Variants in WDR77 observed in about 807,000 individuals in gnomAD.
WDR77 encodes methylosome protein WDR77.
Under a neutral mutation model 44.0 loss-of-function variants are expected in WDR77, and 31 were observed. The ratio of observed to expected loss-of-function variants is 0.70; its 90% CI spans 0.53 to 0.95. WDR77 has a LOEUF of 0.95. Among genes scored for constraint, WDR77 ranks in the 40% least tolerant of loss-of-function variants. The pLI is 0.00. For synonymous variants in WDR77, 186 were observed against 165.7 expected, an observed-to-expected ratio of 1.12 and a Z score of -0.94; for missense variants, 390 against 423.9, an observed-to-expected ratio of 0.92 and a Z score of 0.70.
intron 2 of WDR77, 46 bp downstream of exon 2, chr1:111,448,563 TCTCCATTCTA>T: frequency 3.1e-6 from 5 of 1,604,700 alleles, no homozygotes; most frequent in Middle Eastern, 1.7e-4. Flanking sequence ...GTACCCCAAG[TCTCCATTCTA>T]CCGTTCCACC....
At position 111,449,173 on chromosome 1, in the gene WDR77, C is replaced by A; in HGVS notation, c.-4G>T. The A allele has an allele frequency of 6.4e-7, 1 of 1,572,834 alleles. No individual in the cohort carries two copies. Among genetic ancestry groups the A allele is most frequent in the Non-Finnish European group, 8.6e-7 (1 of 1,165,844 alleles). ...GGGGTGGGGTTTCCTTCCGCATCTC[C>A]ACGGTTCCAACTCCAACCTAGACTC... On this transcript the variant is annotated 5_prime_UTR_variant, in exon 1 of 10. Coordinates refer to ENST00000235090, the MANE Select transcript of WDR77 (RefSeq NM_024102.4).
At chr1:111,446,782 T>C (rs12405731) in intron 4 of WDR77, 4,242 of 257,092 alleles carry the variant, frequency 0.016, 81 homozygotes, top group East Asian at 0.063. Flanking sequence ...AGGCCATCAA[T>C]AGAAACAGGG....
chr1:111,443,466 T>C (rs1465317571), intron 6 of WDR77, 72 bp from the exon 7 acceptor site: 1 of 1,444,968 alleles, frequency 6.9e-7, no homozygotes, highest in African/African-American at 1.4e-5. Flanking sequence ...ATGATATCAC[T>C]CTAAATCCTG....
intron 2 of WDR77, among the ~76,000 whole-genome samples, chr1:111,448,375 A>G (rs4838911): frequency 0.016 from 2,498 of 152,208 alleles, 48 homozygotes; most frequent in East Asian, 0.064. Context: ...ACAGAAGAAA[A>G]ATGGTTCCAA....
rs765327670 is a variant in WDR77, at chr1:111,447,479, G to T, written c.399C>A (p.Val133=). 2.5e-6 allele frequency: 4 copies of T among 1,614,090 alleles called. No individual in the cohort carries two copies. In the African/African-American group the frequency reaches 4.0e-5, roughly 16 times the overall value. The change falls in exon 3 of 10, where the codon GTC becomes GTA. Residue 133 remains valine, a synonymous_variant. Transcript: ENST00000235090. ...EHDDIVSTVS[V]LSSGTQAVSG... ...TGACAGCTTGTGTGCCAGAGCTCAA[G>T]ACACTGACTGTAGACACAATGTCAT... is the stretch of plus-strand genomic sequence containing the variant.
intron 6 of WDR77, 40 bp downstream of exon 6, chr1:111,443,825 GGT>G: frequency 6.2e-7 from 1 of 1,613,426 alleles, no homozygotes; most frequent in Non-Finnish European, 8.5e-7. Context: ...CTTCTATCAG[GGT>G]TCCAAGTACT....
chr1:111,444,484 A>C (rs1271950894), intron 4 of WDR77, among the ~76,000 whole-genome samples: 1 of 152,030 alleles, frequency 6.6e-6, no homozygotes, highest in African/African-American at 2.4e-5. Flanking sequence ...AGTATACAAA[A>C]ACTTTTGAGG....
intron 4 of WDR77, among the ~76,000 whole-genome samples, chr1:111,445,715 G>A (rs191969810): frequency 1.9e-3 from 294 of 152,150 alleles, no homozygotes; most frequent in Non-Finnish European, 3.4e-3. Flanking sequence ...CATTAACCAG[G>A]AAAGCACATC....
chr1:111,442,198 G>T, intron 8 of WDR77, 105 bp from the exon 9 acceptor site: 1 of 1,073,554 alleles, frequency 9.3e-7, no homozygotes, highest in Non-Finnish European at 1.4e-6. Flanking sequence ...AGGAGAGGCA[G>T]CCTGATTCCC....
At chr1:111,443,697 T>C (rs1476889794) in intron 6 of WDR77, 170 bp downstream of exon 6, 1 of 985,314 alleles carries the variant, frequency 1.0e-6, no homozygotes, top group East Asian at 1.1e-4. Context: ...TTGGTATTCA[T>C]TGCACAGAAT....
chr1:111,447,404 A>G, intron 3 of WDR77, 31 bp downstream of exon 3: 1 of 1,613,302 alleles, frequency 6.2e-7, no homozygotes, highest in South Asian at 1.1e-5. Flanking sequence ...CAGGAGGCTT[A>G]GAGACAGGAG....
At position 111,447,485 on chromosome 1, in the gene WDR77, G is replaced by A. The variant is rs764284328; in HGVS notation, c.393C>T (p.Val131=). 6.2e-7 allele frequency: 1 copy of A among 1,614,188 alleles called. No homozygotes were observed. Among genetic ancestry groups the A allele is most frequent in the Non-Finnish European group, 8.5e-7 (1 of 1,180,028 alleles). Residue 131 remains valine (V), a synonymous_variant, in exon 3 of 10, where the codon GTC becomes GTT. Transcript: ENST00000235090. The stretch of plus-strand genomic sequence containing the variant: ...CTTGTGTGCCAGAGCTCAAGACACT[G>A]ACTGTAGACACAATGTCATCATGCT... ...KYEHDDIVST[V]SVLSSGTQAV...
rs1213376623 is a variant in WDR77 at position 111,448,683 on chromosome 1, C to A, written c.237G>T (p.Thr79=). Reference sequence around the variant, plus strand: ...AAGTGAGGTCAGCCACTCCAGCCTCCGTTTGGACTCCGGCGGAGCAGAAGC... The same window carrying A: ...AAGTGAGGTCAGCCACTCCAGCCTCAGTTTGGACTCCGGCGGAGCAGAAGC... ...NEGFCSAGVQ[T]EAGVADLTWV... is the part of the protein sequence containing the mutation. The change falls in exon 2 of 10, where the codon ACG becomes ACT. Residue 79 remains threonine, a synonymous_variant. Coordinates refer to ENST00000235090, the MANE Select transcript of WDR77 (RefSeq NM_024102.4). 4.3e-6 allele frequency: 7 copies of A among 1,614,082 alleles called. No homozygotes were observed. The South Asian group carries it at 5.5e-5, about 13-fold the overall frequency.
Position 111,447,727 on chromosome 1 carries a change from A to G in WDR77, c.302-151T>C, listed in dbSNP as rs547831034. 4 of 909,802 alleles carry G rather than the reference A, an allele frequency of 4.4e-6. No homozygotes were observed. The East Asian group carries it at 7.8e-5, about 18-fold the overall frequency. 56.4% of individuals were successfully genotyped at this position (909,802 alleles called of 1,614,324 possible). The stretch of plus-strand genomic sequence containing the variant: ...GTCCACATCATTGGAGAGTTCAGCT[A>G]ATTTCTGAGTCTTTGACTTTATTCT... On this transcript the variant is annotated intron_variant, in intron 2 of 9. Coordinates refer to ENST00000235090, the MANE Select transcript of WDR77 (RefSeq NM_024102.4).
chr1:111,446,138 A>G (rs932236652), intron 4 of WDR77, among the ~76,000 whole-genome samples: 1 of 152,230 alleles, frequency 6.6e-6, no homozygotes. Flanking sequence ...TGGACCTTGG[A>G]TATGAGTCAG....
chr1:111,448,128 CA>C (rs767234401), intron 2 of WDR77, among the ~76,000 whole-genome samples: 18 of 151,444 alleles, frequency 1.2e-4, no homozygotes, highest in Non-Finnish European at 2.1e-4. Context: ...TTAAATCTAT[CA>C]AAAACTGGGA....
In WDR77 at chr1:111,440,275, A is replaced by G. The variant is rs1652752830; in HGVS notation, c.*955T>C. On this transcript the variant is annotated 3_prime_UTR_variant, in exon 10 of 10. Coordinates refer to ENST00000235090, the MANE Select transcript of WDR77 (RefSeq NM_024102.4). Reference sequence around the variant, plus strand: ...CACATGCTTCAAAAAAGACAGGCCAACAATGCCTAAACTCTTTATTTCACC... The same window carrying G: ...CACATGCTTCAAAAAAGACAGGCCAGCAATGCCTAAACTCTTTATTTCACC... The G allele has an allele frequency of 6.6e-6, 1 of 152,236 alleles. No homozygotes were observed. 9.4% of individuals were successfully genotyped at this position (152,236 alleles called of 1,614,324 possible). A position where few individuals can be genotyped will look rare whatever the true frequency, so the allele number is the denominator to read the frequency against.
At position 111,441,367 on chromosome 1, in the gene WDR77, C is replaced by G; in HGVS notation, c.892G>C (p.Asp298His). Reference sequence around the variant, plus strand: ...GACCAAGTCGCATCTCTCACAAAGTCTCTGTGGGCTTGGCTTCTAAACCTA... The same window carrying G: ...GACCAAGTCGCATCTCTCACAAAGTGTCTGTGGGCTTGGCTTCTAAACCTA... ...SELFRSQAHR[D>H]FVRDATWSPL... The change falls in exon 10 of 10, where the codon GAC becomes CAC. Residue 298 changes from aspartate (D) to histidine (H), a missense_variant. By Grantham distance (81) the Asp-to-His change is moderately conservative. Transcript: ENST00000235090. 2 of 1,544,814 alleles carry G rather than the reference C, an allele frequency of 1.3e-6. No homozygotes were observed. Among genetic ancestry groups the G allele is most frequent in the Non-Finnish European group, 1.8e-6 (2 of 1,141,716 alleles).
intron 8 of WDR77, 143 bp from the exon 9 acceptor site, chr1:111,442,236 TC>T: frequency 1.4e-6 from 1 of 721,722 alleles, no homozygotes; most frequent in Non-Finnish European, 2.4e-6. Context: ...CTACTACAAG[TC>T]CACACTAAAA....
Sources: gnomAD v4.1 joint callset for allele counts (sites outside exome capture counted in the v4.1 genomes callset) on GRCh38, gnomAD v4.1.1 for gene constraint, MANE v1.5 for transcripts, NCBI Gene and HGNC (gene_info 2026-07-23, HGNC 2026-07-21) for gene names.